Variants in CCR6 observed in about 807,000 individuals in gnomAD.
The protein encoded by CCR6 is C-C motif chemokine receptor 6, also known as C-C chemokine receptor type 6.
Under a neutral mutation model 3.0 loss-of-function variants are expected in CCR6, and 2 were observed. That is an observed-to-expected ratio of 0.66 (90% CI 0.27 to 2.07). CCR6 has a LOEUF of 2.07. Ranked by LOEUF, CCR6 falls within the 30% of genes most tolerant of loss-of-function variation. The probability of loss-of-function intolerance (pLI) is 0.14; values close to 1 mark genes in which losing one functional copy is unlikely to be tolerated. For synonymous variants in CCR6, 193 were observed against 184.3 expected (o/e 1.05, Z -0.38); for missense variants, 322 against 462.8 (o/e 0.70, Z 2.79).
chr6:167,119,928 T>A (rs1443006166), upstream of CCR6, among the ~76,000 whole-genome samples: 1 of 152,246 alleles, frequency 6.6e-6, no homozygotes, highest in Admixed American at 6.5e-5. Flanking sequence ...TCAGCACCTG[T>A]GCTAACTCTA....
At position 167,112,808 on chromosome 6, in the gene CCR6, G is replaced by A. The variant is rs542384463; in HGVS notation, c.-98+794G>A. Among the ~76,000 whole-genome samples the A allele has an allele frequency of 1.2e-4, 19 of 152,226 alleles. No individual in the cohort carries two copies. In the South Asian group the frequency reaches 2.1e-3, roughly 17 times the overall value. On this transcript the variant is annotated intron_variant, in intron 1 of 2. Transcript: ENST00000400926. ...CACAGAGAAGCCCAGAGCCAGCCTC[G>A]TGGAATACACAGATGTGTCTGGAAC...
intron 1 of CCR6, chr6:167,129,524 A>G (rs528879494): frequency 2.0e-5 from 3 of 152,148 alleles, no homozygotes; most frequent in Admixed American, 1.3e-4. Flanking sequence ...CACCAGCTCT[A>G]TGCTCCTGGA....
At chr6:167,129,867 C>G (rs1047481701) in intron 1 of CCR6, among the ~76,000 whole-genome samples, 2 of 151,612 alleles carry the variant, frequency 1.3e-5, no homozygotes, top group African/African-American at 4.9e-5. Context: ...CGACACTTTA[C>G]TTGAGGCAGC....
chr6:167,125,028 AT>A (rs1781649715), intron 1 of CCR6, among the ~76,000 whole-genome samples: 2 of 152,082 alleles, frequency 1.3e-5, no homozygotes, highest in African/African-American at 4.8e-5. Context: ...ATACACATAC[AT>A]GATATAAACA....
chr6:167,133,569 G>GT (rs1781801399), intron 1 of CCR6, among the ~76,000 whole-genome samples: 1 of 149,824 alleles, frequency 6.7e-6, no homozygotes, highest in Non-Finnish European at 1.5e-5. Context: ...TTTCAAAATT[G>GT]TTTTGGCTAT....
rs1562562617 is a variant in CCR6, at chr6:167,139,070, T to G, written c.*1715T>G. 6.6e-6 allele frequency: 1 copy of G among 152,374 alleles called. No homozygotes were observed. Among genetic ancestry groups the G allele is most frequent in the Non-Finnish European group, 1.5e-5 (1 of 68,042 alleles). The allele number at this position is 152,374 out of a possible 1,614,324, so 9.4% of individuals were successfully genotyped here. On this transcript the variant is annotated 3_prime_UTR_variant, in exon 3 of 3. Transcript: ENST00000341935. ...CTCTTTAAAATGCAAAATAATGTCT[T>G]AAGATTCAAAGTCTGTATTTTTAAA...
intron 1 of CCR6, chr6:167,131,586 A>C (rs538761576): frequency 6.5e-6 from 1 of 153,512 alleles, no homozygotes; most frequent in African/African-American, 2.4e-5. Flanking sequence ...CTTGTTCTCC[A>C]GAGCCGCGCC....
In CCR6 at chr6:167,136,207, C is replaced by G; in HGVS notation, c.10-33C>G. 6.2e-7 allele frequency: 1 copy of G among 1,609,376 alleles called. No homozygotes were observed. The highest frequency in any genetic ancestry group is 8.5e-7 in the Non-Finnish European group (1 of 1,177,392). The stretch of plus-strand genomic sequence containing the variant: ...TCACTGTGGCTACTTGAACACTACA[C>G]TGCAGCTAACTCTATCTTTGTTTCC... On this transcript the variant is annotated intron_variant, in intron 2 of 2. Transcript: ENST00000341935. The surrounding 1 kb of genome is among the most constrained non-coding windows in gnomAD (Gnocchi z 4.6).
chr6:167,122,510 A>G (rs567009281), upstream of CCR6, among the ~76,000 whole-genome samples: 3 of 152,290 alleles, frequency 2.0e-5, no homozygotes, highest in Admixed American at 6.5e-5. This position sits in a 1 kb window ranked among gnomAD's most constrained non-coding sequence, Gnocchi z 4.2. Flanking sequence ...CTCTCAAAGT[A>G]TCTTGTAATA....
chr6:167,125,474 G>A (rs1308947981), intron 1 of CCR6, among the ~76,000 whole-genome samples: 2 of 152,194 alleles, frequency 1.3e-5, no homozygotes, highest in African/African-American at 2.4e-5. Flanking sequence ...CACAGAGCCA[G>A]CCAGTATTGG....
intron 1 of CCR6, among the ~76,000 whole-genome samples, chr6:167,125,360 G>A (rs576633359): frequency 1.3e-5 from 2 of 152,340 alleles, no homozygotes; most frequent in South Asian, 4.1e-4. Flanking sequence ...TGGCCAAAGG[G>A]ATGATCAATG....
chr6:167,119,594 C>T (rs541871560), upstream of CCR6, among the ~76,000 whole-genome samples: 1 of 152,306 alleles, frequency 6.6e-6, no homozygotes, highest in South Asian at 2.1e-4. Context: ...AGTGACTCCC[C>T]ATGCCCAAAT....
chr6:167,136,252 T>G lies in CCR6; in HGVS notation c.22T>G (p.Phe8Val). 1 of 1,606,702 alleles carries G rather than the reference T, an allele frequency of 6.2e-7. No individual in the cohort carries two copies. Among genetic ancestry groups the G allele is most frequent in the African/African-American group, 1.3e-5 (1 of 74,846 alleles). MSGESMN[F>V]SDVFDSSEDY... ...GTTTCCTTTCCAGGAATCAATGAAT[T>G]TCAGCGATGTTTTCGACTCCAGTGA... is the stretch of plus-strand genomic sequence containing the variant. Residue 8 changes from phenylalanine (F) to valine (V), a missense_variant, in exon 3 of 3, where the codon TTC (phenylalanine) becomes GTC (valine). Coordinates refer to ENST00000341935, the MANE Select transcript of CCR6 (RefSeq NM_031409.4). This position sits in a 1 kb window ranked among gnomAD's most constrained non-coding sequence, Gnocchi z 4.6.
intron 1 of CCR6, among the ~76,000 whole-genome samples, chr6:167,133,928 GTGTGTATATATATA>G (rs985623495): frequency 6.9e-4 from 28 of 40,602 alleles, no homozygotes; most frequent in African/African-American, 3.2e-3. Context: ...TATGATATAT[GTGTGTATATATATA>G]TATATATATA....
In CCR6 at chr6:167,123,108, A is replaced by G. The variant is rs1781613230; in HGVS notation, c.-213A>G. On this transcript the variant is annotated 5_prime_UTR_variant, in exon 1 of 3. An upstream start codon of the reference 5' UTR is lost. Transcript: ENST00000341935. ...CTAGTAGCTCACCGCTTTTTTCTTA[A>G]TGACTGCTAGAAGCTGCATCTTATT... The G allele has an allele frequency of 6.5e-6, 1 of 152,752 alleles. No individual in the cohort carries two copies. Among genetic ancestry groups the G allele is most frequent in the Non-Finnish European group, 1.5e-5 (1 of 68,024 alleles). 9.5% of individuals were successfully genotyped at this position (152,752 alleles called of 1,614,324 possible).
chr6:167,116,277 C>T (rs113077668), intron 1 of CCR6: 1 of 152,178 alleles, frequency 6.6e-6, no homozygotes, highest in Non-Finnish European at 1.5e-5. Flanking sequence ...GTCTCCTTCC[C>T]GAACTCTCCA....
At chr6:167,126,108 T>G (rs1781664778) in intron 1 of CCR6, 1 of 152,198 alleles carries the variant, frequency 6.6e-6, no homozygotes, top group Non-Finnish European at 1.5e-5. Context: ...TAGGATAGCT[T>G]GAGGCCAGGA....
chr6:167,117,573 C>A lies in CCR6; in HGVS notation c.-98+5559C>A, dbSNP rs911770710. On this transcript the variant is annotated intron_variant, in intron 1 of 2. Transcript: ENST00000400926. ...CTGGGACTACAGGCGCGCGCCACCACGCCCGGCTAATTTTTGTATTTTTAG... is the reference window on the plus strand; with the variant it reads ...CTGGGACTACAGGCGCGCGCCACCAAGCCCGGCTAATTTTTGTATTTTTAG... Among the ~76,000 whole-genome samples the A allele has an allele frequency of 2.0e-5, 3 of 151,614 alleles. No individual in the cohort carries two copies. In the South Asian group the frequency reaches 6.3e-4, roughly 32 times the overall value.
chr6:167,130,497 C>T lies in CCR6; in HGVS notation c.-97-5541C>T, dbSNP rs531909215. Among the ~76,000 whole-genome samples the T allele has an allele frequency of 7.9e-5, 12 of 151,950 alleles. 1 individual carries two copies. Among genetic ancestry groups the T allele is most frequent in the Middle Eastern group, 3.4e-3 (1 of 294 alleles). On this transcript the variant is annotated intron_variant, in intron 1 of 2. Transcript: ENST00000341935. ...CAAGTTGTGAACAGGATTCTTTACA[C>T]GTTGAGGTGATACCCACGCCAATCT... is the stretch of plus-strand genomic sequence containing the variant.
Sources: gnomAD v4.1 joint callset for allele counts (sites outside exome capture counted in the v4.1 genomes callset) on GRCh38, gnomAD v4.1.1 for gene constraint, Gnocchi (gnomAD v3.1) non-coding constraint, MANE v1.5 for transcripts, NCBI Gene and HGNC (gene_info 2026-07-23, HGNC 2026-07-21) for gene names.